The following DNAH6 variants were observed in gnomAD, a reference collection of about 807,000 sequenced individuals.
The protein encoded by DNAH6 is dynein axonemal heavy chain 6.
In DNAH6, 340 loss-of-function variants were observed where a neutral mutation model predicts 491.4. The ratio of observed to expected loss-of-function variants is 0.69; its 90% confidence interval spans 0.63 to 0.76. The LOEUF is 0.76. Ranked by LOEUF, DNAH6 falls within the 30% of genes least tolerant of loss-of-function variation. DNAH6 has a pLI of 0.00. For synonymous variants in DNAH6, 1,603 were observed against 1,686.1 expected (o/e 0.95, Z 1.21); for missense variants, 4,443 against 4,972.2 (o/e 0.89, Z 3.20).
chr2:84,723,718 C>G (rs1009662839), intron 60 of DNAH6, among the ~76,000 whole-genome samples: 1 of 152,200 alleles, frequency 6.6e-6, no homozygotes, highest in African/African-American at 2.4e-5. Context: ...GTCCCACTTT[C>G]ACCATGTGAC....
chr2:84,714,745 A>C (rs1208135509), intron 57 of DNAH6, among the ~76,000 whole-genome samples: 1 of 151,818 alleles, frequency 6.6e-6, no homozygotes, highest in East Asian at 2.0e-4. Flanking sequence ...TGTATTGCCC[A>C]CAAGACCCAA....
At chr2:84,677,572 A>G (rs1339534585) in intron 41 of DNAH6, among the ~76,000 whole-genome samples, 2 of 152,060 alleles carry the variant, frequency 1.3e-5, no homozygotes, top group African/African-American at 4.8e-5. Context: ...CCTAAAACAG[A>G]ACTCATCTCC....
intron 63 of DNAH6, among the ~76,000 whole-genome samples, chr2:84,758,607 G>C (rs1452884181): frequency 1.3e-5 from 2 of 151,900 alleles, no homozygotes; most frequent in African/African-American, 4.8e-5. Flanking sequence ...ATATCAAGTG[G>C]GTTTTATCCA....
At chr2:84,516,342 A>G (rs1675591154), upstream of DNAH6, 1 of 152,196 alleles carries the variant, frequency 6.6e-6, no homozygotes, top group Admixed American at 6.5e-5. Flanking sequence ...ACAATCAGCG[A>G]AGTAGGAAAT....
intron 63 of DNAH6, among the ~76,000 whole-genome samples, chr2:84,753,636 A>G (rs1657776502): frequency 6.6e-6 from 1 of 151,592 alleles, no homozygotes; most frequent in South Asian, 2.1e-4. Flanking sequence ...GCATACCTGT[A>G]ATCCCAGCTA....
chr2:84,581,230 GA>G (rs1012464409), intron 14 of DNAH6, among the ~76,000 whole-genome samples: 122 of 152,322 alleles, frequency 8.0e-4, no homozygotes, highest in African/African-American at 2.9e-3. Context: ...ACAGCTAGTT[GA>G]TGCAGTATGC....
rs1038688272 is a variant in DNAH6, at chr2:84,547,335, A to G, written c.998A>G (p.Tyr333Cys). The G allele has an allele frequency of 1.9e-6, 3 of 1,551,390 alleles. No individual in the cohort carries two copies. The African/African-American group carries it at 4.1e-5, about 21-fold the overall frequency. ...CATTTGAGTTTTATGGGACTTTGTT[A>G]TATTGAAAAGTGTCACACCTACACC... is the stretch of plus-strand genomic sequence containing the variant. ...CYHLSFMGLC[Y>C]IEKCHTYTLQ... The change falls in exon 6 of 77, where the codon TAT becomes TGT. Residue 333 changes from tyrosine to cysteine, a missense_variant. By Grantham distance (194) the Tyr-to-Cys change is radical (BLOSUM62 -2). This residue lies in a region of DNAH6 where 2,977 missense variants were observed against 3,296.6 expected (regional missense o/e 0.90). Coordinates refer to ENST00000389394, the MANE Select transcript of DNAH6 (RefSeq NM_001370.2).
intron 29 of DNAH6, among the ~76,000 whole-genome samples, chr2:84,625,520 A>G (rs1186502967): frequency 6.6e-6 from 1 of 152,202 alleles, no homozygotes; most frequent in Non-Finnish European, 1.5e-5. Flanking sequence ...TTACACTCTT[A>G]AAAATTATTG....
intron 63 of DNAH6, among the ~76,000 whole-genome samples, chr2:84,746,738 G>A (rs763905188): frequency 2.0e-5 from 3 of 152,136 alleles, no homozygotes; most frequent in Non-Finnish European, 4.4e-5. Context: ...GCCTGAGGCT[G>A]GGTAATTTAT....
At chr2:84,636,161 TC>T (rs1170396947) in intron 30 of DNAH6, among the ~76,000 whole-genome samples, 3 of 152,008 alleles carry the variant, frequency 2.0e-5, no homozygotes, top group Admixed American at 2.0e-4. Context: ...TCACTCTGCT[TC>T]CCCCCAAACA....
At chr2:84,469,081 A>C in the DNAH6 span, among the ~76,000 whole-genome samples, 1 of 152,216 alleles carries the variant, frequency 6.6e-6, no homozygotes, top group Non-Finnish European at 1.5e-5. The surrounding 1 kb of genome is among the most constrained non-coding windows in gnomAD (Gnocchi z 4.0). Flanking sequence ...ATAGCACAAA[A>C]TATACCAGCT....
chr2:84,601,825 A>T (rs1685271946), intron 18 of DNAH6, among the ~76,000 whole-genome samples: 1 of 151,752 alleles, frequency 6.6e-6, no homozygotes, highest in Non-Finnish European at 1.5e-5. Flanking sequence ...TGCATATTTT[A>T]TGATTCCATT....
chr2:84,803,017 A>C (rs367717649), intron 70 of DNAH6, among the ~76,000 whole-genome samples: 1 of 152,228 alleles, frequency 6.6e-6, no homozygotes, highest in South Asian at 2.1e-4. Context: ...ACAAATGAAC[A>C]TAAGAGACCC....
At chr2:84,580,829 A>G (rs1322648210) in intron 14 of DNAH6, among the ~76,000 whole-genome samples, 1 of 152,198 alleles carries the variant, frequency 6.6e-6, no homozygotes, top group Non-Finnish European at 1.5e-5. Flanking sequence ...GGGGTGCTTC[A>G]TGGAACTTCC....
At chr2:84,734,160 T>G (rs1179362700) in intron 62 of DNAH6, among the ~76,000 whole-genome samples, 2 of 150,846 alleles carry the variant, frequency 1.3e-5, no homozygotes, top group African/African-American at 4.9e-5. Context: ...TTTTTTTTTT[T>G]TTTTTGAGAC....
chr2:84,812,381 T>C lies in DNAH6; in HGVS notation c.11780T>C (p.Val3927Ala), dbSNP rs1373058654. The C allele has an allele frequency of 6.4e-7, 1 of 1,552,016 alleles. No individual in the cohort carries two copies. The highest frequency in any genetic ancestry group is 8.7e-7 in the Non-Finnish European group (1 of 1,147,046). Residue 3927 changes from valine to alanine, a missense_variant, in exon 73 of 77, where the codon GTG becomes GCG. By Grantham distance (64) the Val-to-Ala change is moderately conservative. Coordinates refer to ENST00000389394, the MANE Select transcript of DNAH6 (RefSeq NM_001370.2). Reference sequence around the variant, plus strand: ...CTCAACAAAGCCATCGCTGGATTTGTGGTGATGTCTGAAGAAATGGAAAAA... The same window carrying C: ...CTCAACAAAGCCATCGCTGGATTTGCGGTGATGTCTGAAGAAATGGAAAAA... ...ETLNKAIAGF[V>A]VMSEEMEKVY...
intron 10 of DNAH6, among the ~76,000 whole-genome samples, chr2:84,556,875 T>C (rs1190785584): frequency 6.6e-6 from 1 of 152,232 alleles, no homozygotes; most frequent in Non-Finnish European, 1.5e-5. Context: ...TAAATGATTT[T>C]TGGGAGATGC....
intron 65 of DNAH6, among the ~76,000 whole-genome samples, chr2:84,783,760 G>A (rs1022663276): frequency 6.6e-6 from 1 of 152,182 alleles, no homozygotes; most frequent in Admixed American, 6.5e-5. Flanking sequence ...GGGGGAGACA[G>A]ACAATGAATA....
intron 16 of DNAH6, among the ~76,000 whole-genome samples, chr2:84,589,731 A>G (rs1683919800): frequency 6.6e-6 from 1 of 151,116 alleles, no homozygotes; most frequent in Admixed American, 6.6e-5. Flanking sequence ...AAAAAAAAAA[A>G]GAAAGGTATA....
Sources: allele counts gnomAD v4.1 joint callset (sites outside exome capture counted in the v4.1 genomes callset), GRCh38; gene constraint gnomAD v4.1.1; regional missense constraint gnomAD v4.1.1; non-coding constraint Gnocchi (gnomAD v3.1); transcripts MANE v1.5; gene names NCBI Gene and HGNC (gene_info 2026-07-23, HGNC 2026-07-21).